Variants in GTF2A2 observed in about 807,000 individuals in gnomAD.
The protein encoded by GTF2A2 is transcription initiation factor IIA subunit 2.
A neutral mutation model predicts 14.3 loss-of-function variants in GTF2A2; 9 were observed. That is an observed-to-expected ratio of 0.63 (90% CI 0.38 to 1.10). The LOEUF is 1.10. Ranked by LOEUF, GTF2A2 falls within the 50% of genes least tolerant of loss-of-function variation. The pLI is 0.01. For missense variants in GTF2A2, 90 were observed against 124.6 expected (o/e 0.72, Z 1.32); for synonymous variants, 56 against 46.0 (o/e 1.22, Z -0.88).
intron 4 of GTF2A2, 136 bp from the exon 5 acceptor site, chr15:59,639,293 G>C (rs1280952712): frequency 6.0e-6 from 4 of 666,606 alleles, no homozygotes; most frequent in African/African-American, 5.5e-5. Flanking sequence ...GGAAGAACAG[G>C]AGGAAAGGTG....
intron 2 of GTF2A2, chr15:59,651,525 A>T (rs949169830): frequency 6.6e-6 from 1 of 152,206 alleles, no homozygotes; most frequent in Non-Finnish European, 1.5e-5. Flanking sequence ...AGAAGGGTTA[A>T]TTCTCTTAAA....
intron 4 of GTF2A2, 53 bp from the exon 5 acceptor site, chr15:59,639,210 T>TTTACAATTAACTATTTTAACACTATC: frequency 9.1e-7 from 1 of 1,095,146 alleles, no homozygotes; most frequent in East Asian, 2.4e-5. Flanking sequence ...GCAATTTAAT[T>TTTACAATTAACTATTTTAACACTATC]TTACAATTAA....
chr15:59,652,950 G>A (rs369092337), intron 1 of GTF2A2: 16 of 152,162 alleles, frequency 1.1e-4, no homozygotes, highest in African/African-American at 3.9e-4. Context: ...CTTTAGCCAA[G>A]CAGAGGAGGG....
chr15:59,640,492 A>T (rs1206617750), intron 4 of GTF2A2, among the ~76,000 whole-genome samples: 1 of 152,216 alleles, frequency 6.6e-6, no homozygotes, highest in Non-Finnish European at 1.5e-5. Flanking sequence ...CTGGCTAGCC[A>T]TATGTGGCTA....
chr15:59,648,705 T>C (rs1407346747), intron 3 of GTF2A2, among the ~76,000 whole-genome samples: 6 of 151,858 alleles, frequency 4.0e-5, no homozygotes, highest in Admixed American at 2.6e-4. Flanking sequence ...GAGGTCGAGG[T>C]GGGCAGATCA....
chr15:59,640,378 A>C (rs1011061432), intron 4 of GTF2A2: 4 of 152,166 alleles, frequency 2.6e-5, no homozygotes, highest in African/African-American at 4.8e-5. Flanking sequence ...CAGAGGCTTT[A>C]TTTACTGATT....
At chr15:59,653,992 C>T (rs1373967502) in intron 1 of GTF2A2, among the ~76,000 whole-genome samples, 1 of 152,192 alleles carries the variant, frequency 6.6e-6, no homozygotes, top group Non-Finnish European at 1.5e-5. Flanking sequence ...CTACCATCTT[C>T]AATGCTATTA....
At chr15:59,646,653 T>A (rs1456513566) in intron 3 of GTF2A2, among the ~76,000 whole-genome samples, 1 of 152,340 alleles carries the variant, frequency 6.6e-6, no homozygotes, top group East Asian at 1.9e-4. Context: ...TAAATGTATA[T>A]GCTTCATTTA....
intron 3 of GTF2A2, among the ~76,000 whole-genome samples, chr15:59,647,922 A>T (rs1238356130): frequency 1.3e-5 from 2 of 152,230 alleles, no homozygotes; most frequent in Non-Finnish European, 2.9e-5. Flanking sequence ...GAAACATCAA[A>T]AAACAGGGAA....
intron 2 of GTF2A2, 77 bp from the exon 3 acceptor site, chr15:59,650,850 C>T (rs1891769367): frequency 1.3e-6 from 1 of 793,884 alleles, no homozygotes; most frequent in South Asian, 1.6e-5. Context: ...TACAAATTAT[C>T]ATCTAAAATT....
At chr15:59,641,131 G>A (rs1405390410) in intron 4 of GTF2A2, among the ~76,000 whole-genome samples, 1 of 151,412 alleles carries the variant, frequency 6.6e-6, no homozygotes, top group African/African-American at 2.4e-5. Flanking sequence ...AGGTGGGAAG[G>A]TCACCTGAGC....
At chr15:59,642,020 G>A (rs1055338524) in intron 4 of GTF2A2, 116 bp downstream of exon 4, 2 of 793,498 alleles carry the variant, frequency 2.5e-6, no homozygotes, top group Non-Finnish European at 4.0e-6. Context: ...GGCTTATCTG[G>A]GAATTGATCA....
In GTF2A2 at chr15:59,643,477, A is replaced by C. The variant is rs1267717734; in HGVS notation, c.178-1215T>G. On this transcript the variant is annotated intron_variant, in intron 3 of 4. Transcript: ENST00000396060. ...AGCAATCCTCCCGCCTCAGCCTCCC[A>C]AAGTGCTGAGATTACAGGCGTGAGC... is the stretch of plus-strand genomic sequence containing the variant. Among the ~76,000 whole-genome samples, 6 of 152,226 alleles carry C rather than the reference A, an allele frequency of 3.9e-5. No homozygotes were observed. The South Asian group carries it at 1.2e-3, about 32-fold the overall frequency.
At chr15:59,640,602 C>G (rs778510213) in intron 4 of GTF2A2, among the ~76,000 whole-genome samples, 43 of 152,146 alleles carry the variant, frequency 2.8e-4, no homozygotes, top group Admixed American at 1.4e-3. Context: ...GAAAATGCAA[C>G]AGAACATGTC....
At chr15:59,651,746 G>GT (rs1313326374) in intron 2 of GTF2A2, 1 of 153,032 alleles carries the variant, frequency 6.5e-6, no homozygotes, top group Non-Finnish European at 1.5e-5. Context: ...GAGTACAGTG[G>GT]TACCATCATA....
chr15:59,644,711 ATAAG>A (rs1433733371), intron 3 of GTF2A2, among the ~76,000 whole-genome samples: 7 of 152,242 alleles, frequency 4.6e-5, no homozygotes, highest in Non-Finnish European at 1.0e-4. Flanking sequence ...GTCCTAAAGA[ATAAG>A]TAAGAGTCAA....
At chr15:59,641,007 T>C (rs1234679263) in intron 4 of GTF2A2, among the ~76,000 whole-genome samples, 8 of 152,304 alleles carry the variant, frequency 5.3e-5, no homozygotes, top group African/African-American at 9.6e-5. Flanking sequence ...CTTTCTGATA[T>C]CTGGAAGAGA....
At chr15:59,656,959 C>CGGT (rs1469291474) in intron 1 of GTF2A2, 2 of 152,170 alleles carry the variant, frequency 1.3e-5, no homozygotes, top group Admixed American at 1.3e-4. Context: ...TTTGATTAAA[C>CGGT]CACCAAGTTT....
At chr15:59,642,335 A>T in intron 3 of GTF2A2, 73 bp from the exon 4 acceptor site, 1 of 1,312,176 alleles carries the variant, frequency 7.6e-7, no homozygotes, top group South Asian at 1.5e-5. Context: ...GCAATTTAAG[A>T]GATCTTAGCT....
Sources: gnomAD v4.1 joint callset for allele counts (sites outside exome capture counted in the v4.1 genomes callset) on GRCh38, gnomAD v4.1.1 for gene constraint, MANE v1.5 for transcripts, NCBI Gene and HGNC (gene_info 2026-07-23, HGNC 2026-07-21) for gene names.